The following BAAT variants were observed in gnomAD, a reference collection of about 807,000 sequenced individuals.
BAAT encodes bile acid CoA: amino acid N-acyltransferase (glycine N-choloyltransferase).
BAAT carries 13 observed loss-of-function variants against 18.9 expected under a neutral mutation model. That is an observed-to-expected ratio of 0.69 (90% confidence interval 0.45 to 1.10). The LOEUF (loss-of-function observed/expected upper bound fraction) is 1.10, where lower values mean the gene tolerates loss of function less well. BAAT is among the 50% of genes least tolerant of loss of function. The pLI, the probability that BAAT is intolerant of heterozygous loss-of-function variation, is 0.00. For synonymous variants in BAAT, 170 were observed against 190.7 expected (o/e 0.89, Z 0.89); for missense variants, 489 against 504.0 (o/e 0.97, Z 0.28).
At chr9:101,378,891 C>T (rs1830088377) in intron 1 of BAAT, among the ~76,000 whole-genome samples, 2 of 152,088 alleles carry the variant, frequency 1.3e-5, no homozygotes, top group South Asian at 2.1e-4. Context: ...AAGAAAAAAA[C>T]AAACTGCCTC....
intron 3 of BAAT, 109 bp downstream of exon 3, chr9:101,368,011 C>T (rs1829860839): frequency 6.1e-6 from 7 of 1,155,210 alleles, no homozygotes; most frequent in South Asian, 3.9e-5. Flanking sequence ...CAGATCATGC[C>T]ACTGCACTCC....
At position 101,381,856 on chromosome 9, in the gene BAAT, T is replaced by C. The variant is rs113024993; in HGVS notation, c.-60+2999A>G. ...GATACTATAGCTTCCAAGTACCGTA[T>C]TTCATTTGTTTTCTTGTAATCAAGA... On this transcript the variant is annotated intron_variant, in intron 1 of 3. Transcript: ENST00000259407. Among the ~76,000 whole-genome samples the C allele has an allele frequency of 7.6e-4, 116 of 152,298 alleles. 1 individual carries two copies. The highest frequency in any genetic ancestry group is 2.6e-3 in the African/African-American group (108 of 41,572).
chr9:101,379,300 G>A (rs917210100), intron 1 of BAAT, among the ~76,000 whole-genome samples: 7 of 152,248 alleles, frequency 4.6e-5, no homozygotes, highest in East Asian at 1.9e-4. Flanking sequence ...CGCATCCGGC[G>A]AATGTCGCAT....
At chr9:101,366,958 A>G (rs1829839782) in intron 3 of BAAT, among the ~76,000 whole-genome samples, 1 of 151,920 alleles carries the variant, frequency 6.6e-6, no homozygotes, top group Non-Finnish European at 1.5e-5. Context: ...CTAAAAATAC[A>G]AAAATTAGCC....
intron 1 of BAAT, among the ~76,000 whole-genome samples, chr9:101,372,090 T>C (rs72743319): frequency 0.02 from 3,005 of 151,956 alleles, 61 homozygotes; most frequent in Middle Eastern, 0.037. Context: ...CAATTATAAG[T>C]GGGAGCTAAA....
At chr9:101,368,464 A>C in intron 2 of BAAT, 142 bp from the exon 3 acceptor site, 1 of 784,582 alleles carries the variant, frequency 1.3e-6, no homozygotes. Flanking sequence ...ACATGAGAAC[A>C]CAAAGCAGAA....
chr9:101,382,640 C>A (rs1017196436), intron 1 of BAAT, among the ~76,000 whole-genome samples: 10 of 152,238 alleles, frequency 6.6e-5, no homozygotes, highest in African/African-American at 2.4e-4. Flanking sequence ...TGAAACTTGC[C>A]TTGGTCTCTT....
In BAAT at chr9:101,362,143, C is replaced by G. The variant is rs1435396680; in HGVS notation, c.*285G>C. On this transcript the variant is annotated 3_prime_UTR_variant, in exon 4 of 4. Transcript: ENST00000259407. ...CTTGTTTGCCTTTTCTTATTTTTGC[C>G]AGTGTACTATACCTCAGTCCTATTT... 1 of 494,296 alleles carries G rather than the reference C, an allele frequency of 2.0e-6. No individual in the cohort carries two copies. Among genetic ancestry groups the G allele is most frequent in the Non-Finnish European group, 3.6e-6 (1 of 278,588 alleles). The allele number at this position is 494,296 out of a possible 1,614,324, so 30.6% of individuals were successfully genotyped here. A position where few individuals can be genotyped will look rare whatever the true frequency, so the allele number is the denominator to read the frequency against.
chr9:101,377,298 G>T (rs1302740356), intron 1 of BAAT, among the ~76,000 whole-genome samples: 1 of 152,148 alleles, frequency 6.6e-6, no homozygotes, highest in Non-Finnish European at 1.5e-5. Flanking sequence ...CCAGATTGGG[G>T]AAGTTTCAAA....
intron 1 of BAAT, among the ~76,000 whole-genome samples, chr9:101,380,842 T>C (rs1443013811): frequency 1.3e-5 from 2 of 152,110 alleles, no homozygotes; most frequent in African/African-American, 4.8e-5. Flanking sequence ...CAATCTCCAC[T>C]TCCCAGTTCA....
intron 1 of BAAT, among the ~76,000 whole-genome samples, chr9:101,383,779 C>T (rs1830164565): frequency 6.6e-6 from 1 of 152,150 alleles, no homozygotes; most frequent in African/African-American, 2.4e-5. Context: ...AGTTGTTTGA[C>T]CCCTATTGGC....
At chr9:101,372,943 C>T (rs747484335) in intron 1 of BAAT, among the ~76,000 whole-genome samples, 9 of 152,122 alleles carry the variant, frequency 5.9e-5, no homozygotes, top group Non-Finnish European at 1.2e-4. Context: ...TTCCGTAGAG[C>T]TTCACCATGT....
chr9:101,375,392 C>T, intron 1 of BAAT: 1 of 207,144 alleles, frequency 4.8e-6, no homozygotes, highest in Non-Finnish European at 1.1e-5. Context: ...GTCAGAGTGG[C>T]TCTTTGTTCC....
chr9:101,379,668 AC>A (rs1830101135), intron 1 of BAAT, among the ~76,000 whole-genome samples: 1 of 152,216 alleles, frequency 6.6e-6, no homozygotes, highest in African/African-American at 2.4e-5. Context: ...TCTAGTCTTA[AC>A]CATTGTTTTT....
intron 1 of BAAT, among the ~76,000 whole-genome samples, chr9:101,380,559 G>A (rs1413152278): frequency 6.6e-6 from 1 of 152,160 alleles, no homozygotes; most frequent in Non-Finnish European, 1.5e-5. Context: ...CAACACAAGA[G>A]AGAAAAAGCT....
In BAAT at chr9:101,371,437, G is replaced by A; in HGVS notation, c.-33C>T. The A allele has an allele frequency of 6.3e-7, 1 of 1,584,520 alleles. No homozygotes were observed. The highest frequency in any genetic ancestry group is 8.6e-7 in the Non-Finnish European group (1 of 1,165,050). ...GTGTGGCACCTGGGATGATTCTTCA[G>A]GAATATCTTCAGCAAAACCTCAAAA... On this transcript the variant is annotated 5_prime_UTR_variant, in exon 2 of 4. Coordinates refer to ENST00000259407, the MANE Select transcript of BAAT (RefSeq NM_001701.4).
chr9:101,365,618 C>T (rs992582577), intron 3 of BAAT, among the ~76,000 whole-genome samples: 3 of 152,048 alleles, frequency 2.0e-5, no homozygotes, highest in Non-Finnish European at 4.4e-5. Flanking sequence ...CTCACTGCAA[C>T]CTCCGCCTCT....
intron 3 of BAAT, among the ~76,000 whole-genome samples, chr9:101,367,158 G>A (rs1364830050): frequency 6.7e-6 from 1 of 150,214 alleles, no homozygotes; most frequent in Non-Finnish European, 1.5e-5. Flanking sequence ...AAAATATTGG[G>A]CAATTAACAA....
intron 1 of BAAT, among the ~76,000 whole-genome samples, chr9:101,383,030 T>G (rs887545905): frequency 1.3e-5 from 2 of 152,106 alleles, no homozygotes; most frequent in Non-Finnish European, 2.9e-5. Context: ...AAATTACCCT[T>G]CAAACAAAAT....
Sources: gnomAD v4.1 joint callset for allele counts (sites outside exome capture counted in the v4.1 genomes callset) on GRCh38, gnomAD v4.1.1 for gene constraint, MANE v1.5 for transcripts, NCBI Gene and HGNC (gene_info 2026-07-23, HGNC 2026-07-21) for gene names.